The following SLFN12L variants were observed in gnomAD, a reference collection of about 807,000 sequenced individuals.
SLFN12L encodes the protein schlafen family member 12-like.
A neutral mutation model predicts 34.8 loss-of-function variants in SLFN12L; 34 were observed. That is an observed-to-expected ratio of 0.98 (90% CI 0.74 to 1.30). The LOEUF (loss-of-function observed/expected upper bound fraction) is 1.30, where lower values mean the gene tolerates loss of function less well. SLFN12L is among the 50% of genes most tolerant of loss of function. SLFN12L has a pLI of 0.00. For missense variants in SLFN12L, 703 were observed against 696.2 expected, an observed-to-expected ratio of 1.01 and a Z score of -0.11; for synonymous variants, 259 against 247.5, an observed-to-expected ratio of 1.05 and a Z score of -0.44.
chr17:35,474,690 G>T lies in SLFN12L; in HGVS notation c.*233C>A, dbSNP rs866739807. 2.6e-4 allele frequency: 93 copies of T among 353,520 alleles called. 1 individual carries two copies. Among genetic ancestry groups the T allele is most frequent in the South Asian group, 1.6e-3 (56 of 34,366 alleles). The allele number at this position is 353,520 out of a possible 1,614,324, so 21.9% of individuals were successfully genotyped here. The stretch of plus-strand genomic sequence containing the variant: ...TACTCCTAGCACTTTGGGAGACCGG[G>T]GGGGGGGGTTGAATCACGAGGTCAG... On this transcript the variant is annotated 3_prime_UTR_variant, in exon 5 of 5. Coordinates refer to ENST00000628453, the MANE Select transcript of SLFN12L (RefSeq NM_001363830.2).
intron 2 of SLFN12L, among the ~76,000 whole-genome samples, chr17:35,496,290 A>G (rs1915070204): frequency 6.6e-6 from 1 of 152,126 alleles, no homozygotes; most frequent in Non-Finnish European, 1.5e-5. Flanking sequence ...TCAAGGCTAC[A>G]TCAGCCGTGA....
At chr17:35,518,971 G>A (rs554739536) in intron 2 of SLFN12L, among the ~76,000 whole-genome samples, 1 of 152,272 alleles carries the variant, frequency 6.6e-6, no homozygotes, top group South Asian at 2.1e-4. Context: ...ATGATAGACT[G>A]GATAAAGAAA....
In SLFN12L at chr17:35,530,512, G is replaced by A. The variant is rs375694652; in HGVS notation, c.-606+7061C>T. ...AGAAAGAAAGAAAGAAAGAAAGAAA[G>A]AAAAGAAAAGAAAAGAAAAGAAAAG... On this transcript the variant is annotated intron_variant, in intron 1 of 4. Transcript: ENST00000628453. Among the ~76,000 whole-genome samples, 19 of 33,340 alleles carry A rather than the reference G, an allele frequency of 5.7e-4. 2 individuals are homozygous for A. The highest frequency in any genetic ancestry group is 1.8e-3 in the African/African-American group (19 of 10,708). The allele number at this position is 33,340 out of a possible 152,430, so 21.9% of individuals were successfully genotyped here.
chr17:35,512,128 G>A (rs1469952123), intron 2 of SLFN12L, among the ~76,000 whole-genome samples: 1 of 150,918 alleles, frequency 6.6e-6, no homozygotes, highest in East Asian at 1.9e-4. Context: ...GTGTTTCTGG[G>A]AGAGAATTTA....
intron 2 of SLFN12L, among the ~76,000 whole-genome samples, chr17:35,519,261 A>T (rs4796091): frequency 0.45 from 67,782 of 151,976 alleles, 16,886 homozygotes; most frequent in Admixed American, 0.56. Context: ...AATCTAGATG[A>T]CAGGTTGATG....
intron 2 of SLFN12L, among the ~76,000 whole-genome samples, chr17:35,487,415 C>A (rs1914625392): frequency 6.6e-6 from 1 of 152,230 alleles, no homozygotes; most frequent in Admixed American, 6.5e-5. Flanking sequence ...CGGGTCTCCC[C>A]GAGATCGGTG....
intron 2 of SLFN12L, chr17:35,498,941 A>ACAGGAG: frequency 1.4e-6 from 1 of 722,408 alleles, no homozygotes; most frequent in South Asian, 1.4e-5. Flanking sequence ...TGGAGGTCTT[A>ACAGGAG]CAGGAGCGCA....
intron 2 of SLFN12L, among the ~76,000 whole-genome samples, chr17:35,509,195 A>G (rs1157301197): frequency 6.6e-6 from 1 of 152,214 alleles, no homozygotes; most frequent in Non-Finnish European, 1.5e-5. Flanking sequence ...ACTAGAGAAG[A>G]GCTCAGTTAT....
chr17:35,475,912 C>CAT (rs57543961), intron 4 of SLFN12L, among the ~76,000 whole-genome samples: 50,960 of 146,052 alleles, frequency 0.35, 8,965 homozygotes, highest in Non-Finnish European at 0.38. Context: ...AAAAATTCTA[C>CAT]ATATATATAT....
Position 35,510,426 on chromosome 17 carries a change from A to C in SLFN12L, c.86+11853T>G, listed in dbSNP as rs535139295. 2.6e-5 allele frequency among the ~76,000 whole-genome samples: 4 copies of C among 152,384 alleles called. No individual in the cohort carries two copies. In the East Asian group the frequency reaches 7.7e-4, roughly 29 times the overall value. ...AGTGAAATATTATTTGGCCATAAAAAGAAATGAAGCACTGATGCAGGCTGC... is the reference window on the plus strand; with the variant it reads ...AGTGAAATATTATTTGGCCATAAAACGAAATGAAGCACTGATGCAGGCTGC... On this transcript the variant is annotated intron_variant, in intron 2 of 4. Transcript: ENST00000628453.
At chr17:35,528,346 A>C (rs999919058) in intron 1 of SLFN12L, among the ~76,000 whole-genome samples, 3 of 115,040 alleles carry the variant, frequency 2.6e-5, no homozygotes, top group Non-Finnish European at 5.3e-5. Flanking sequence ...ACTGGAAAAA[A>C]CTACTTTAAA....
At chr17:35,535,194 T>TC in intron 1 of SLFN12L, among the ~76,000 whole-genome samples, 1 of 150,358 alleles carries the variant, frequency 6.7e-6, no homozygotes, top group South Asian at 2.1e-4. Context: ...TTTCTCCTTT[T>TC]TTTTTTTTTT....
At chr17:35,504,870 T>C (rs940000054) in intron 2 of SLFN12L, among the ~76,000 whole-genome samples, 10 of 152,224 alleles carry the variant, frequency 6.6e-5, no homozygotes, top group Non-Finnish European at 1.5e-4. Flanking sequence ...TGTGGTGGTA[T>C]TGTGGTGGAC....
intron 1 of SLFN12L, among the ~76,000 whole-genome samples, chr17:35,532,559 A>T (rs1014097043): frequency 1.3e-5 from 2 of 152,136 alleles, no homozygotes; most frequent in African/African-American, 4.8e-5. Context: ...TTTATAAAGT[A>T]CCTGGCTCCG....
intron 2 of SLFN12L, among the ~76,000 whole-genome samples, chr17:35,485,443 A>G (rs182349888): frequency 1.5e-3 from 234 of 152,104 alleles, no homozygotes; most frequent in African/African-American, 5.4e-3. Flanking sequence ...TGGATGCATG[A>G]CTTGCAAACA....
rs1916033514 is a variant in SLFN12L, at chr17:35,522,671, T to G, written c.-307A>C. On this transcript the variant is annotated 5_prime_UTR_variant, in exon 2 of 5. Coordinates refer to ENST00000628453, the MANE Select transcript of SLFN12L (RefSeq NM_001363830.2). ...GGACTCAGGCAGAGGACCTTGGCCC[T>G]GACACACACCTCCCCAGTGTAGCCC... is the stretch of plus-strand genomic sequence containing the variant. The G allele has an allele frequency of 6.2e-7, 1 of 1,613,998 alleles. No individual in the cohort carries two copies. Among genetic ancestry groups the G allele is most frequent in the Admixed American group, 1.7e-5 (1 of 60,002 alleles).
intron 2 of SLFN12L, among the ~76,000 whole-genome samples, chr17:35,513,584 T>C (rs1416837625): frequency 6.6e-6 from 1 of 152,216 alleles, no homozygotes; most frequent in African/African-American, 2.4e-5. Context: ...GTATCCTTAC[T>C]GTCGTTCTGA....
At chr17:35,514,554 T>A (rs562221882) in intron 2 of SLFN12L, among the ~76,000 whole-genome samples, 23 of 152,352 alleles carry the variant, frequency 1.5e-4, no homozygotes, top group African/African-American at 5.5e-4. Context: ...TAGCTCATAG[T>A]GTACTTAAAA....
chr17:35,490,157 A>C (rs1914776298), intron 2 of SLFN12L: 1 of 1,606,924 alleles, frequency 6.2e-7, no homozygotes, highest in South Asian at 1.1e-5. Flanking sequence ...GGGACCCTCC[A>C]GCAGAGCCGG....
Sources: gnomAD v4.1 joint callset for allele counts (sites outside exome capture counted in the v4.1 genomes callset) on GRCh38, gnomAD v4.1.1 for gene constraint, MANE v1.5 for transcripts, NCBI Gene and HGNC (gene_info 2026-07-23, HGNC 2026-07-21) for gene names.